The following PABPC1L variants were observed in gnomAD, a reference collection of about 807,000 sequenced individuals.
The protein encoded by PABPC1L is poly(A) binding protein cytoplasmic 1 like, also known as polyadenylate-binding protein 1-like.
A neutral mutation model predicts 66.6 loss-of-function variants in PABPC1L; 31 were observed. That is an observed-to-expected ratio of 0.47 (90% CI 0.35 to 0.63). PABPC1L has a LOEUF of 0.63. PABPC1L is among the 20% of genes least tolerant of loss of function. The pLI, the probability that PABPC1L is intolerant of heterozygous loss-of-function variation, is 0.00. For synonymous variants in PABPC1L, 348 were observed against 335.1 expected, an observed-to-expected ratio of 1.04 and a Z score of -0.42; for missense variants, 722 against 848.8, an observed-to-expected ratio of 0.85 and a Z score of 1.86.
chr20:44,937,291 G>A, intron 12 of PABPC1L: 1 of 285,594 alleles, frequency 3.5e-6, no homozygotes, highest in Non-Finnish European at 6.9e-6. Context: ...CTGGTTGGCA[G>A]GTTCTTTACT....
chr20:44,921,656 A>G lies in PABPC1L; in HGVS notation c.801A>G (p.Gln267=). The change falls in exon 6 of 15, where the codon CAA becomes CAG. Residue 267 remains glutamine, a synonymous_variant. Transcript: ENST00000217073. ...SGRLLYAGRA[Q]KRVERQNELK... ...GGCTGCTGTACGCGGGCCGGGCCCAAAAGCGCGTGGAGCGGCAGAATGAAC... is the reference window on the plus strand; with the variant it reads ...GGCTGCTGTACGCGGGCCGGGCCCAGAAGCGCGTGGAGCGGCAGAATGAAC... 1 of 1,614,102 alleles carries G rather than the reference A, an allele frequency of 6.2e-7. No individual in the cohort carries two copies. Among genetic ancestry groups the G allele is most frequent in the Middle Eastern group, 1.6e-4 (1 of 6,062 alleles).
intron 6 of PABPC1L, among the ~76,000 whole-genome samples, chr20:44,922,057 C>T (rs1343402198): frequency 1.3e-5 from 2 of 152,150 alleles, no homozygotes; most frequent in African/African-American, 2.4e-5. Flanking sequence ...CAAAGTACCC[C>T]GCATATTGCC....
In PABPC1L at chr20:44,935,430, G is replaced by T. The variant is rs1258935362; in HGVS notation, c.1499G>T (p.Gly500Val). ...GTQTTGPSGV[G>V]CCTPGRPLLP... Reference sequence around the variant, plus strand: ...CAGACCACAGGACCCAGTGGGGTAGGATGCTGTACACCAGGCCGGCCGCTC... The same window carrying T: ...CAGACCACAGGACCCAGTGGGGTAGTATGCTGTACACCAGGCCGGCCGCTC... The change falls in exon 11 of 15, where the codon GGA becomes GTA. Residue 500 changes from glycine to valine, a missense_variant. By Grantham distance (109) the Gly-to-Val change is moderately radical. This residue lies in a region of PABPC1L where 301 missense variants were observed against 337.2 expected (regional missense o/e 0.89). Coordinates refer to ENST00000217073, the MANE Select transcript of PABPC1L (RefSeq NM_001372179.1). The T allele has an allele frequency of 1.2e-6, 2 of 1,614,038 alleles. No individual in the cohort carries two copies. The highest frequency in any genetic ancestry group is 4.5e-5 in the East Asian group (2 of 44,886).
chr20:44,919,140 G>A, intron 4 of PABPC1L, 43 bp from the exon 5 acceptor site: 1 of 1,614,090 alleles, frequency 6.2e-7, no homozygotes, highest in Middle Eastern at 1.6e-4. Context: ...GGTTTCCTGA[G>A]GACTTCCCAG....
intron 7 of PABPC1L, among the ~76,000 whole-genome samples, chr20:44,927,652 T>G (rs921276727): frequency 1.3e-5 from 2 of 152,120 alleles, no homozygotes; most frequent in African/African-American, 4.8e-5. Flanking sequence ...CCCGGCCCTT[T>G]GGCTATCTGA....
At position 44,910,182 on chromosome 20, in the gene PABPC1L, T is replaced by C. The variant is rs1336340387; in HGVS notation, c.39T>C (p.Leu13=). The stretch of plus-strand genomic sequence containing the variant: ...GTTCTGGCTACCCGCTTGCCTCGCT[T>C]TACGTGGGCGATCTGCACCCCGACG... ...ASGSGYPLAS[L]YVGDLHPDVT... is the part of the protein sequence containing the mutation. Residue 13 remains leucine, a synonymous_variant, in exon 1 of 15, where the codon CTT becomes CTC. Transcript: ENST00000217073. 6.3e-6 allele frequency: 10 copies of C among 1,580,610 alleles called. No individual in the cohort carries two copies. The East Asian group carries it at 1.2e-4, about 19-fold the overall frequency.
intron 7 of PABPC1L, among the ~76,000 whole-genome samples, chr20:44,929,130 C>T (rs115593714): frequency 0.012 from 1,814 of 151,736 alleles, 30 homozygotes; most frequent in African/African-American, 0.039. Context: ...GGTGTGGTGG[C>T]ATGTACCTAT....
chr20:44,911,108 C>G (rs573119682), intron 1 of PABPC1L, among the ~76,000 whole-genome samples: 7 of 151,878 alleles, frequency 4.6e-5, no homozygotes, highest in Middle Eastern at 3.4e-3. Flanking sequence ...TGCTTGTTAC[C>G]TCGTAAACGC....
In PABPC1L at chr20:44,928,303, C is replaced by T. The variant is rs141774354; in HGVS notation, c.973-2157C>T. On this transcript the variant is annotated intron_variant, in intron 7 of 14. Coordinates refer to ENST00000217073, the MANE Select transcript of PABPC1L (RefSeq NM_001372179.1). The stretch of plus-strand genomic sequence containing the variant: ...GGCCAGGCTGGTCTCGAACTCCTGA[C>T]CTCAGGTGATCTGCCCACCTTGGCC... Among the ~76,000 whole-genome samples, 630 of 152,202 alleles carry T rather than the reference C, an allele frequency of 4.1e-3. 23 individuals carry two copies. Among genetic ancestry groups the T allele is most frequent in the Admixed American group, 0.036 (549 of 15,286 alleles).
intron 13 of PABPC1L, 81 bp from the exon 14 acceptor site, chr20:44,938,593 G>A (rs8119805): frequency 1.3e-6 from 2 of 1,490,322 alleles, no homozygotes; most frequent in African/African-American, 2.8e-5. Context: ...ATCCAGGATG[G>A]TGAGCGAGGG....
Position 44,938,105 on chromosome 20 carries a change from G to T in PABPC1L, c.1705G>T (p.Ala569Ser), listed in dbSNP as rs754843102. ...PLIHDVHTQL[A>S]GKITGMLLEI... ...TATCCATGATGTCCACACCCAGCTG[G>T]CTGGCAAGATCACGGGCATGCTGCT... The change falls in exon 13 of 15, where the codon GCT (alanine) becomes TCT (serine). Residue 569 changes from alanine (A) to serine (S), a missense_variant. Ala to Ser is a moderately conservative substitution (Grantham distance 99, BLOSUM62 1). Transcript: ENST00000217073. 6.2e-7 allele frequency: 1 copy of T among 1,614,066 alleles called. No homozygotes were observed. The highest frequency in any genetic ancestry group is 8.5e-7 in the Non-Finnish European group (1 of 1,180,038).
Position 44,921,575 on chromosome 20 carries a change from T to A in PABPC1L, c.739-19T>A. On this transcript the variant is annotated intron_variant, in intron 5 of 14. Transcript: ENST00000217073. ...ACATCTGAGTGGTTACCAAGCATGT[T>A]CCCTCCTCCTTTCCCCAGGCCGTGG... 6.2e-7 allele frequency: 1 copy of A among 1,613,426 alleles called. No individual in the cohort carries two copies. Among genetic ancestry groups the A allele is most frequent in the Non-Finnish European group, 8.5e-7 (1 of 1,179,726 alleles).
intron 5 of PABPC1L, among the ~76,000 whole-genome samples, chr20:44,920,665 C>T (rs1376641522): frequency 6.6e-6 from 1 of 150,944 alleles, no homozygotes; most frequent in African/African-American, 2.4e-5. Context: ...GAAGGGGTTT[C>T]ACCATGTTGG....
chr20:44,936,163 T>C (rs1442873304), intron 11 of PABPC1L, among the ~76,000 whole-genome samples: 3 of 151,978 alleles, frequency 2.0e-5, no homozygotes, highest in Admixed American at 1.3e-4. Context: ...AGGGGTCTCA[T>C]TATGTTGCCA....
intron 13 of PABPC1L, 66 bp downstream of exon 13, chr20:44,938,257 C>T (rs2066917246): frequency 1.9e-6 from 3 of 1,556,670 alleles, no homozygotes; most frequent in Admixed American, 4.1e-5. Context: ...CAAGGGCTCT[C>T]CTAGTGGAGC....
chr20:44,926,728 G>T (rs2066812316), intron 7 of PABPC1L, among the ~76,000 whole-genome samples: 1 of 151,734 alleles, frequency 6.6e-6, no homozygotes, highest in Non-Finnish European at 1.5e-5. Context: ...TGTATTTTTA[G>T]TAAAGATGAG....
chr20:44,936,799 A>G (rs2066904559), intron 12 of PABPC1L, 69 bp downstream of exon 12: 11 of 1,460,198 alleles, frequency 7.5e-6, no homozygotes, highest in African/African-American at 2.8e-5. Flanking sequence ...CTGCTGGGAA[A>G]CACCTCACCT....
Position 44,930,682 on chromosome 20 carries a change from T to G in PABPC1L, c.1195T>G (p.Ser399Ala). ...GACCCTGAGCAACCCCCTCCTGGGC[T>G]CCTTTCAGCAGCCCTCCAGCTACTT... ...MRTLSNPLLG[S>A]FQQPSSYFLP... The change falls in exon 8 of 15, where the codon TCC becomes GCC. Residue 399 changes from serine (S) to alanine (A), a missense_variant. By Grantham distance (99) the Ser-to-Ala change is moderately conservative (BLOSUM62 1). This residue lies in a region of PABPC1L where 301 missense variants were observed against 337.2 expected (regional missense o/e 0.89). Transcript: ENST00000217073. 6.2e-7 allele frequency: 1 copy of G among 1,614,058 alleles called. No individual in the cohort carries two copies. The highest frequency in any genetic ancestry group is 8.5e-7 in the Non-Finnish European group (1 of 1,180,008).
At chr20:44,910,545 G>A (rs1181726131) in intron 1 of PABPC1L, among the ~76,000 whole-genome samples, 1 of 145,980 alleles carries the variant, frequency 6.9e-6, no homozygotes, top group Non-Finnish European at 1.5e-5. Flanking sequence ...CTACAGAGGA[G>A]AGAGATTAGG....
Sources: allele counts gnomAD v4.1 joint callset (sites outside exome capture counted in the v4.1 genomes callset), GRCh38; gene constraint gnomAD v4.1.1; regional missense constraint gnomAD v4.1.1; transcripts MANE v1.5; gene names NCBI Gene and HGNC (gene_info 2026-07-23, HGNC 2026-07-21).